Variants in CSMD1 observed in about 807,000 individuals in gnomAD.
CSMD1 encodes the protein CUB and Sushi multiple domains 1.
A neutral mutation model predicts 417.5 loss-of-function variants in CSMD1; 213 were observed. The ratio of observed to expected loss-of-function variants is 0.51; its 90% CI spans 0.46 to 0.57. CSMD1 has a LOEUF of 0.57. CSMD1 is among the 20% of genes least tolerant of loss of function. CSMD1 has a pLI of 0.00. For synonymous variants in CSMD1, 2,862 were observed against 1,736.8 expected, an observed-to-expected ratio of 1.65 and a Z score of -16.11; for missense variants, 6,923 against 4,529.7, an observed-to-expected ratio of 1.53 and a Z score of -15.17.
chr8:4,895,838 A>T (rs1804446616), intron 1 of CSMD1, among the ~76,000 whole-genome samples: 1 of 152,140 alleles, frequency 6.6e-6, no homozygotes, highest in South Asian at 2.1e-4. Context: ...TGAGAACTTT[A>T]CCACGATATT....
intron 3 of CSMD1, among the ~76,000 whole-genome samples, chr8:4,333,099 G>A (rs950288323): frequency 3.9e-5 from 6 of 152,116 alleles, no homozygotes; most frequent in Non-Finnish European, 7.4e-5. Flanking sequence ...ATGGAATTGT[G>A]TTTGAAAATT....
intron 4 of CSMD1, among the ~76,000 whole-genome samples, chr8:4,020,546 G>C (rs1449589767): frequency 6.6e-6 from 1 of 152,138 alleles, no homozygotes; most frequent in Non-Finnish European, 1.5e-5. Context: ...CAGATAAGAA[G>C]AATACATAAC....
intron 3 of CSMD1, among the ~76,000 whole-genome samples, chr8:4,096,032 T>A (rs941729609): frequency 6.7e-6 from 1 of 149,008 alleles, no homozygotes; most frequent in Non-Finnish European, 1.5e-5. Context: ...TTCATGGGTA[T>A]AATGTGTGGT....
intron 11 of CSMD1, among the ~76,000 whole-genome samples, chr8:3,471,036 C>T (rs1286701293): frequency 2.6e-5 from 4 of 152,244 alleles, no homozygotes; most frequent in South Asian, 2.1e-4. Context: ...GAGATAAAAG[C>T]GCAAGAGGGC....
At chr8:4,113,027 T>G (rs1327494459) in intron 3 of CSMD1, among the ~76,000 whole-genome samples, 1 of 152,150 alleles carries the variant, frequency 6.6e-6, no homozygotes, top group Non-Finnish European at 1.5e-5. Context: ...CAATGATCCT[T>G]GATGGTACCA....
intron 3 of CSMD1, among the ~76,000 whole-genome samples, chr8:4,209,557 C>T (rs1800182954): frequency 6.6e-6 from 1 of 152,196 alleles, no homozygotes; most frequent in Non-Finnish European, 1.5e-5. Context: ...TGCCATGCTG[C>T]CTCTTCTGGC....
chr8:3,295,923 G>T (rs374845489), intron 25 of CSMD1, among the ~76,000 whole-genome samples: 4 of 152,008 alleles, frequency 2.6e-5, no homozygotes, highest in Admixed American at 1.3e-4. Flanking sequence ...AGTGCACCTC[G>T]AGGAACTTTG....
intron 57 of CSMD1, among the ~76,000 whole-genome samples, chr8:2,967,435 T>C (rs1563190086): frequency 6.6e-6 from 1 of 152,230 alleles, no homozygotes; most frequent in Non-Finnish European, 1.5e-5. Flanking sequence ...GCAACAGGTC[T>C]ACACTCTGTG....
intron 1 of CSMD1, among the ~76,000 whole-genome samples, chr8:4,777,828 C>G (rs1178777625): frequency 6.6e-6 from 1 of 152,206 alleles, no homozygotes; most frequent in African/African-American, 2.4e-5. Context: ...GACTTCACAT[C>G]TACAAATCTC....
rs981338161 is a variant in CSMD1, at chr8:4,899,585, T to C, written c.85+94747A>G. 9.9e-5 allele frequency among the ~76,000 whole-genome samples: 15 copies of C among 152,200 alleles called. 1 individual carries two copies. The highest frequency in any genetic ancestry group is 1.8e-4 in the Non-Finnish European group (12 of 68,032). ...TGGTGATCTGGACACTGAAAGTCAATATTTTTTCTTCTAGAAGTTACCTGT... is the reference window on the plus strand; with the variant it reads ...TGGTGATCTGGACACTGAAAGTCAACATTTTTTCTTCTAGAAGTTACCTGT... On this transcript the variant is annotated intron_variant, in intron 1 of 69. Coordinates refer to ENST00000635120, the MANE Select transcript of CSMD1 (RefSeq NM_033225.6).
At position 4,939,651 on chromosome 8, in the gene CSMD1, A is replaced by G. The variant is rs144790816; in HGVS notation, c.85+54681T>C. Among the ~76,000 whole-genome samples, 398 of 152,288 alleles carry G rather than the reference A, an allele frequency of 2.6e-3. 1 individual carries two copies. The highest frequency in any genetic ancestry group is 8.5e-3 in the African/African-American group (355 of 41,570). Reference sequence around the variant, plus strand: ...TTAACAAGGGCTGGGGGTGAGTGGGAAGGAATTGGGAGATACTGGCCAAAT... The same window carrying G: ...TTAACAAGGGCTGGGGGTGAGTGGGGAGGAATTGGGAGATACTGGCCAAAT... On this transcript the variant is annotated intron_variant, in intron 1 of 69. Transcript: ENST00000635120.
At chr8:3,336,883 C>A (rs1162023985) in intron 23 of CSMD1, among the ~76,000 whole-genome samples, 1 of 152,054 alleles carries the variant, frequency 6.6e-6, no homozygotes, top group African/African-American at 2.4e-5. Flanking sequence ...ATGGTCAGAT[C>A]CTAGTCCAAC....
At chr8:4,182,785 G>A (rs903171095) in intron 3 of CSMD1, among the ~76,000 whole-genome samples, 14 of 152,066 alleles carry the variant, frequency 9.2e-5, no homozygotes, top group Non-Finnish European at 2.1e-4. Flanking sequence ...ATAGTTAAAT[G>A]AAGTGAAGGG....
chr8:4,031,244 G>A (rs1439051194), intron 4 of CSMD1, among the ~76,000 whole-genome samples: 1 of 152,106 alleles, frequency 6.6e-6, no homozygotes, highest in African/African-American at 2.4e-5. Context: ...TCACACTGCT[G>A]ATAAAGACAT....
chr8:4,414,101 T>A (rs142757337), intron 3 of CSMD1, among the ~76,000 whole-genome samples: 1 of 152,320 alleles, frequency 6.6e-6, no homozygotes. Context: ...CAGGTGGAGT[T>A]TGGGTTATCA....
At chr8:3,102,812 T>A (rs566159628) in intron 46 of CSMD1, among the ~76,000 whole-genome samples, 1 of 152,336 alleles carries the variant, frequency 6.6e-6, no homozygotes, top group East Asian at 1.9e-4. Context: ...ATACAAAGCC[T>A]GGAAGGTAAC....
intron 1 of CSMD1, among the ~76,000 whole-genome samples, chr8:4,771,769 A>G (rs939639473): frequency 1.3e-5 from 2 of 152,154 alleles, no homozygotes; most frequent in Non-Finnish European, 2.9e-5. Context: ...TCACAGCGCA[A>G]GTTGTTGACT....
intron 17 of CSMD1, among the ~76,000 whole-genome samples, chr8:3,395,980 T>A (rs1372574583): frequency 6.6e-6 from 1 of 152,234 alleles, no homozygotes; most frequent in Admixed American, 6.5e-5. Context: ...TCATACGCGA[T>A]GGATACGTAT....
intron 3 of CSMD1, among the ~76,000 whole-genome samples, chr8:4,092,387 A>C (rs1211294096): frequency 2.0e-5 from 3 of 152,176 alleles, no homozygotes; most frequent in Non-Finnish European, 4.4e-5. Flanking sequence ...TGTGCTCTCC[A>C]CCGTAAGGCA....
Sources: gnomAD v4.1 joint callset for allele counts (sites outside exome capture counted in the v4.1 genomes callset) on GRCh38, gnomAD v4.1.1 for gene constraint, MANE v1.5 for transcripts, NCBI Gene and HGNC (gene_info 2026-07-23, HGNC 2026-07-21) for gene names.